CAGE1: variants seen among roughly 807,000 people sequenced by gnomAD.
CAGE1 encodes cancer-associated gene 1 protein.
A neutral mutation model predicts 94.9 loss-of-function variants in CAGE1; 66 were observed. The observed-to-expected ratio is 0.70, with a 90% confidence interval of 0.57 to 0.85. CAGE1 has a LOEUF of 0.85. Ranked by LOEUF, CAGE1 falls within the 40% of genes least tolerant of loss-of-function variation. The pLI, the probability that CAGE1 is intolerant of heterozygous loss-of-function variation, is 0.00. For synonymous variants in CAGE1, 319 were observed against 321.0 expected, an observed-to-expected ratio of 0.99 and a Z score of 0.07; for missense variants, 865 against 950.4, an observed-to-expected ratio of 0.91 and a Z score of 1.18.
At chr6:7,340,776 A>G (rs1759137458) in intron 11 of CAGE1, 1 of 358,708 alleles carries the variant, frequency 2.8e-6, no homozygotes, top group South Asian at 2.8e-5. Flanking sequence ...GATGGGCTAG[A>G]GCTACTCGTT....
intron 4 of CAGE1, among the ~76,000 whole-genome samples, chr6:7,377,116 TC>T (rs1474304495): frequency 3.3e-5 from 5 of 152,222 alleles, no homozygotes; most frequent in African/African-American, 9.6e-5. Flanking sequence ...AATGACTACC[TC>T]CTCTAGTAGG....
intron 11 of CAGE1, chr6:7,341,316 C>T: frequency 2.9e-6 from 2 of 682,976 alleles, no homozygotes; most frequent in Non-Finnish European, 2.7e-6. Flanking sequence ...GCCAGAGATG[C>T]CAAAATCCTT....
chr6:7,343,941 G>A (rs1295845601), intron 11 of CAGE1, among the ~76,000 whole-genome samples: 1 of 152,218 alleles, frequency 6.6e-6, no homozygotes, highest in Admixed American at 6.5e-5. Flanking sequence ...AAATGGGATA[G>A]ATTCATCAAA....
intron 11 of CAGE1, among the ~76,000 whole-genome samples, chr6:7,353,686 T>G (rs1368744133): frequency 1.5e-5 from 2 of 134,498 alleles, no homozygotes; most frequent in Admixed American, 8.2e-5. Flanking sequence ...AAACTGTTAT[T>G]ATATATATGT....
In CAGE1 at chr6:7,326,906, A is replaced by G. The variant is rs80138794; in HGVS notation, c.2479-7T>C. On this transcript the variant is annotated splice_polypyrimidine_tract_variant and splice_region_variant and intron_variant, in intron 13 of 13. Transcript: ENST00000502583. Reference sequence around the variant, plus strand: ...CTTTAAAAAGAGCTGGCATCTAAAAATGAAAGGAAAAATGTTTCGTAAGTT... The same window carrying G: ...CTTTAAAAAGAGCTGGCATCTAAAAGTGAAAGGAAAAATGTTTCGTAAGTT... 6.3e-7 allele frequency: 1 copy of G among 1,581,426 alleles called. No homozygotes were observed. The highest frequency in any genetic ancestry group is 1.7e-5 in the Admixed American group (1 of 59,748).
intron 3 of CAGE1, among the ~76,000 whole-genome samples, chr6:7,381,474 T>C (rs1760928055): frequency 6.6e-6 from 1 of 152,196 alleles, no homozygotes; most frequent in Admixed American, 6.5e-5. Flanking sequence ...TTGTGGTGTT[T>C]TGTTATGGCA....
Position 7,378,451 on chromosome 6 carries a change from T to TTATA in CAGE1, c.687+162_687+165dup, listed in dbSNP as rs34451165. ...TAACACTACTTGGAAAAGTCTCAGA[T>TTATA]TATATATATATATATACAATTTTTA... On this transcript the variant is annotated intron_variant, in intron 4 of 13. Transcript: ENST00000502583. Among the ~76,000 whole-genome samples, 434 of 149,768 alleles carry TTATA rather than the reference T, an allele frequency of 2.9e-3. 6 individuals are homozygous for TTATA. The highest frequency in any genetic ancestry group is 9.6e-3 in the African/African-American group (388 of 40,458).
At chr6:7,348,314 A>G (rs1197609509) in intron 11 of CAGE1, among the ~76,000 whole-genome samples, 2 of 152,104 alleles carry the variant, frequency 1.3e-5, no homozygotes, top group Non-Finnish European at 2.9e-5. Flanking sequence ...CTAGACCCCA[A>G]AGAAAGGTAA....
In CAGE1 at chr6:7,371,973, C is replaced by T. The variant is rs184264544; in HGVS notation, c.1746+1100G>A. Among the ~76,000 whole-genome samples, 479 of 149,130 alleles carry T rather than the reference C, an allele frequency of 3.2e-3. 1 individual carries two copies. Among genetic ancestry groups the T allele is most frequent in the Non-Finnish European group, 4.6e-3 (312 of 67,902 alleles). ...CACTTCCAGAATGTGTTTCCAGGTT[C>T]TTCGCTGCCAAAAAAGCCTTTTGAA... On this transcript the variant is annotated intron_variant, in intron 5 of 13. Coordinates refer to ENST00000502583, the MANE Select transcript of CAGE1 (RefSeq NM_001170692.2).
At chr6:7,344,258 G>A (rs536640442) in intron 11 of CAGE1, among the ~76,000 whole-genome samples, 23 of 152,226 alleles carry the variant, frequency 1.5e-4, no homozygotes, top group Admixed American at 6.5e-5. Flanking sequence ...CGTGGCGCTT[G>A]CGGGCCAGCT....
chr6:7,353,698 C>T lies in CAGE1; in HGVS notation c.2369+1343G>A, dbSNP rs1225802908. On this transcript the variant is annotated intron_variant, in intron 11 of 13. Coordinates refer to ENST00000502583, the MANE Select transcript of CAGE1 (RefSeq NM_001170692.2). ...AAGAAACTGTTATTATATATATGTA[C>T]ACACACACACACACACACACACACA... is the stretch of plus-strand genomic sequence containing the variant. Among the ~76,000 whole-genome samples the T allele has an allele frequency of 0.011, 46 of 4,170 alleles. No homozygotes were observed. The African/African-American group carries it at 0.11, about 10-fold the overall frequency. 2.7% of individuals were successfully genotyped at this position (4,170 alleles called of 152,430 possible).
At position 7,339,564 on chromosome 6, in the gene CAGE1, G is replaced by T. The variant is rs1759092558; in HGVS notation, c.2370-5474C>A. The T allele has an allele frequency of 3.9e-6, 3 of 768,996 alleles. No individual in the cohort carries two copies. The East Asian group carries it at 7.3e-5, about 19-fold the overall frequency. The allele number at this position is 768,996 out of a possible 1,614,324, so 47.6% of individuals were successfully genotyped here. On this transcript the variant is annotated intron_variant, in intron 11 of 13. Coordinates refer to ENST00000502583, the MANE Select transcript of CAGE1 (RefSeq NM_001170692.2). The surrounding 1 kb of genome is among the most constrained non-coding windows in gnomAD (Gnocchi z 4.7). ...CTTCCTCTTCTTGGAAATTTGTAAGGCGATCTTGCCGCCATGCTCCGCTGA... is the reference window on the plus strand; with the variant it reads ...CTTCCTCTTCTTGGAAATTTGTAAGTCGATCTTGCCGCCATGCTCCGCTGA...
At chr6:7,345,057 CTGG>C (rs1212345113) in intron 11 of CAGE1, among the ~76,000 whole-genome samples, 1 of 151,998 alleles carries the variant, frequency 6.6e-6, no homozygotes, top group Non-Finnish European at 1.5e-5. Flanking sequence ...CGGCAGATGG[CTGG>C]TGTTGAAAGC....
At chr6:7,327,748 T>C (rs1361147764) in intron 13 of CAGE1, among the ~76,000 whole-genome samples, 3 of 151,836 alleles carry the variant, frequency 2.0e-5, no homozygotes, top group Admixed American at 2.0e-4. Context: ...CTGACCAACA[T>C]GGAGAAACCC....
chr6:7,355,812 T>C (rs1436597934), intron 10 of CAGE1, among the ~76,000 whole-genome samples: 1 of 152,144 alleles, frequency 6.6e-6, no homozygotes, highest in Non-Finnish European at 1.5e-5. Flanking sequence ...GACCAGCCTA[T>C]GCAACATAGC....
chr6:7,335,397 C>A (rs549659936), intron 11 of CAGE1, among the ~76,000 whole-genome samples: 1 of 152,252 alleles, frequency 6.6e-6, no homozygotes, highest in East Asian at 1.9e-4. Context: ...TAAACTCAAA[C>A]GCCTGTAGAA....
intron 7 of CAGE1, among the ~76,000 whole-genome samples, chr6:7,367,938 G>A (rs1760406926): frequency 6.6e-6 from 1 of 151,976 alleles, no homozygotes; most frequent in Non-Finnish European, 1.5e-5. Context: ...ACCACACCTA[G>A]AAAAGAGTAC....
chr6:7,368,455 T>A (rs1760427007), intron 7 of CAGE1, among the ~76,000 whole-genome samples: 2 of 151,786 alleles, frequency 1.3e-5, no homozygotes, highest in Admixed American at 1.3e-4. Flanking sequence ...AATGAAAAAA[T>A]TTATCATACT....
chr6:7,328,528 A>C (rs1273036484), intron 13 of CAGE1, among the ~76,000 whole-genome samples: 1 of 152,162 alleles, frequency 6.6e-6, no homozygotes, highest in Non-Finnish European at 1.5e-5. Context: ...CTGCATGAGC[A>C]ATAACAGGAA....
Sources: gnomAD v4.1 joint callset for allele counts (sites outside exome capture counted in the v4.1 genomes callset) on GRCh38, gnomAD v4.1.1 for gene constraint, Gnocchi (gnomAD v3.1) non-coding constraint, MANE v1.5 for transcripts, NCBI Gene and HGNC (gene_info 2026-07-23, HGNC 2026-07-21) for gene names.